EAF2: variants seen among roughly 807,000 people sequenced by gnomAD.
EAF2 encodes ELL-associated factor 2.
Under a neutral mutation model 29.4 loss-of-function variants are expected in EAF2, and 29 were observed. The observed-to-expected ratio is 0.99, with a 90% CI of 0.73 to 1.35. The LOEUF (loss-of-function observed/expected upper bound fraction) is 1.35. Ranked by LOEUF, EAF2 falls within the 40% of genes most tolerant of loss-of-function variation. The pLI is 0.00. For synonymous variants in EAF2, 103 were observed against 102.5 expected (o/e 1.00, Z -0.03); for missense variants, 292 against 312.0 (o/e 0.94, Z 0.48).
At chr3:121,862,548 G>A (rs747073800) in intron 4 of EAF2, among the ~76,000 whole-genome samples, 2 of 152,148 alleles carry the variant, frequency 1.3e-5, no homozygotes, top group Non-Finnish European at 2.9e-5. Context: ...TCTCTATGCT[G>A]TTTATTCTAG....
At chr3:121,873,965 A>T (rs2107541973) in intron 5 of EAF2, among the ~76,000 whole-genome samples, 1 of 151,938 alleles carries the variant, frequency 6.6e-6, no homozygotes, top group East Asian at 1.9e-4. Flanking sequence ...GTAAATTTAC[A>T]TTAATTTGTG....
rs1283361601 is a variant in EAF2, at chr3:121,841,767, T to C, written c.107-2686T>C. Among the ~76,000 whole-genome samples the C allele has an allele frequency of 2.0e-5, 3 of 151,390 alleles. No individual in the cohort carries two copies. The East Asian group carries it at 5.9e-4, about 30-fold the overall frequency. On this transcript the variant is annotated intron_variant, in intron 1 of 5. Transcript: ENST00000273668. ...GCTCACGCCTGTAATCCCAGCACTT[T>C]GGGAAGTCGAGGCGGGCGGATCACG...
At chr3:121,874,522 T>C (rs1709064869) in intron 5 of EAF2, among the ~76,000 whole-genome samples, 1 of 151,880 alleles carries the variant, frequency 6.6e-6, no homozygotes, top group Non-Finnish European at 1.5e-5. Context: ...AGCATATCAG[T>C]ATTATATTCC....
chr3:121,859,677 G>T (rs1049055632), intron 4 of EAF2, among the ~76,000 whole-genome samples: 3 of 152,152 alleles, frequency 2.0e-5, no homozygotes, highest in African/African-American at 7.2e-5. Flanking sequence ...TCTCCTGCCT[G>T]ATTGCCCTGG....
intron 2 of EAF2, among the ~76,000 whole-genome samples, chr3:121,852,405 G>A (rs1486233348): frequency 6.6e-6 from 1 of 152,082 alleles, no homozygotes; most frequent in Non-Finnish European, 1.5e-5. Context: ...TTATAATCAT[G>A]CTCCTGACTC....
rs185013474 is a variant in EAF2 at position 121,869,684 on chromosome 3, C to T, written c.485-2853C>T. Among the ~76,000 whole-genome samples, 58 of 151,618 alleles carry T rather than the reference C, an allele frequency of 3.8e-4. No individual in the cohort carries two copies. In the East Asian group the frequency reaches 6.6e-3, roughly 17 times the overall value. ...TTGAGCCCGGGAGTTTGAGACCAGCCTAGGCAATACAGAGTCTCTACAAAA... is the reference window on the plus strand; with the variant it reads ...TTGAGCCCGGGAGTTTGAGACCAGCTTAGGCAATACAGAGTCTCTACAAAA... On this transcript the variant is annotated intron_variant, in intron 4 of 5. Transcript: ENST00000273668.
chr3:121,855,340 G>C (rs1394453213), intron 3 of EAF2, among the ~76,000 whole-genome samples: 1 of 152,112 alleles, frequency 6.6e-6, no homozygotes, highest in Non-Finnish European at 1.5e-5. Context: ...ATATAAGGAT[G>C]TTTGCTCTAA....
At chr3:121,848,413 A>T (rs1708569154) in intron 2 of EAF2, among the ~76,000 whole-genome samples, 1 of 152,204 alleles carries the variant, frequency 6.6e-6, no homozygotes. Flanking sequence ...TCTGCTAATG[A>T]ATTCTCTTAA....
intron 5 of EAF2, chr3:121,873,118 C>T (rs567363301): frequency 5.4e-4 from 365 of 671,268 alleles, no homozygotes; most frequent in Non-Finnish European, 8.9e-4. Flanking sequence ...TAAATAACTT[C>T]CTCCATGTTT....
chr3:121,866,369 A>C lies in EAF2; in HGVS notation c.485-6168A>C, dbSNP rs1348375462. Among the ~76,000 whole-genome samples the C allele has an allele frequency of 2.0e-5, 3 of 152,308 alleles. No homozygotes were observed. The East Asian group carries it at 5.8e-4, about 29-fold the overall frequency. ...AGAGTGATTGCCTACTAAAATTAAA[A>C]ATTTGAATAAGATATAGATCTCCCC... On this transcript the variant is annotated intron_variant, in intron 4 of 5. Transcript: ENST00000273668.
intron 2 of EAF2, among the ~76,000 whole-genome samples, chr3:121,852,080 T>G (rs961124702): frequency 6.6e-6 from 1 of 152,194 alleles, no homozygotes; most frequent in Non-Finnish European, 1.5e-5. Flanking sequence ...TGACCAGAAA[T>G]TGTCTATATT....
chr3:121,845,280 A>G (rs1708506281), intron 2 of EAF2, among the ~76,000 whole-genome samples: 1 of 151,952 alleles, frequency 6.6e-6, no homozygotes. Context: ...TCTACTAAAA[A>G]TACAAAAATT....
At chr3:121,851,708 C>T (rs1031725600) in intron 2 of EAF2, among the ~76,000 whole-genome samples, 4 of 151,884 alleles carry the variant, frequency 2.6e-5, no homozygotes, top group African/African-American at 9.7e-5. Context: ...AGCAAGGGAA[C>T]AATACGATTA....
intron 2 of EAF2, among the ~76,000 whole-genome samples, chr3:121,848,837 G>A (rs4296627): frequency 0.37 from 55,834 of 151,564 alleles, 10,788 homozygotes; most frequent in African/African-American, 0.42. Context: ...GTTTCCTATA[G>A]TGCACATATT....
chr3:121,846,243 G>C (rs979758351), intron 2 of EAF2, among the ~76,000 whole-genome samples: 2 of 152,102 alleles, frequency 1.3e-5, no homozygotes, highest in Non-Finnish European at 2.9e-5. Flanking sequence ...TATTATGTCA[G>C]ACTGTGTCAG....
intron 5 of EAF2, among the ~76,000 whole-genome samples, chr3:121,883,385 GAA>G (rs1286126964): frequency 6.6e-6 from 1 of 152,040 alleles, no homozygotes; most frequent in African/African-American, 2.4e-5. Flanking sequence ...GAAAATTTTT[GAA>G]AAGTTTTTAA....
At chr3:121,847,961 T>G (rs762552817) in intron 2 of EAF2, among the ~76,000 whole-genome samples, 12 of 152,126 alleles carry the variant, frequency 7.9e-5, no homozygotes, top group Admixed American at 1.3e-4. Flanking sequence ...TTTGCTAGTA[T>G]CTCCATATCT....
At chr3:121,856,930 T>A in intron 3 of EAF2, 81 bp from the exon 4 acceptor site, 1 of 1,165,130 alleles carries the variant, frequency 8.6e-7, no homozygotes, top group Non-Finnish European at 1.2e-6. Flanking sequence ...GAATAAGTGG[T>A]CAGTTTTAGT....
At chr3:121,884,715 GC>G (rs34595205) in intron 5 of EAF2, among the ~76,000 whole-genome samples, 88,557 of 151,816 alleles carry the variant, frequency 0.58, 27,316 homozygotes, top group East Asian at 0.76. Flanking sequence ...GTGAGCCACC[GC>G]GTGCCCGACC....
Sources: gnomAD v4.1 joint callset for allele counts (sites outside exome capture counted in the v4.1 genomes callset) on GRCh38, gnomAD v4.1.1 for gene constraint, MANE v1.5 for transcripts, NCBI Gene and HGNC (gene_info 2026-07-23, HGNC 2026-07-21) for gene names.